Variants in CADM2 observed in about 807,000 individuals in gnomAD.
CADM2 encodes cell adhesion molecule 2.
Under a neutral mutation model 49.8 loss-of-function variants are expected in CADM2, and 12 were observed. That is an observed-to-expected ratio of 0.24 (90% CI 0.15 to 0.39). The LOEUF (loss-of-function observed/expected upper bound fraction) is 0.39, where lower values mean the gene tolerates loss of function less well. CADM2 is among the 10% of genes least tolerant of loss of function. The pLI, the probability that CADM2 is intolerant of heterozygous loss-of-function variation, is 1.00. For missense variants in CADM2, 378 were observed against 492.3 expected, an observed-to-expected ratio of 0.77 and a Z score of 2.20; for synonymous variants, 214 against 175.4, an observed-to-expected ratio of 1.22 and a Z score of -1.74.
At chr3:85,336,622 T>C (rs2045085424) in intron 1 of CADM2, among the ~76,000 whole-genome samples, 1 of 151,040 alleles carries the variant, frequency 6.6e-6, no homozygotes, top group East Asian at 1.9e-4. Context: ...TAGAAATTGT[T>C]ATATTAAGCA....
At chr3:86,008,075 CA>C (rs1228233861) in intron 8 of CADM2, among the ~76,000 whole-genome samples, 1 of 152,118 alleles carries the variant, frequency 6.6e-6, no homozygotes, top group Non-Finnish European at 1.5e-5. Flanking sequence ...TCCAGCTAAC[CA>C]CAGCATTCTC....
chr3:85,315,736 A>G (rs2044449916), intron 1 of CADM2, among the ~76,000 whole-genome samples: 1 of 152,228 alleles, frequency 6.6e-6, no homozygotes. Flanking sequence ...ATGATATAGC[A>G]TTCAGTTTAT....
In CADM2 at chr3:86,065,629, A is replaced by G. The variant is rs1739215984; in HGVS notation, c.995A>G (p.Asn332Ser). The change falls in exon 9 of 10, where the codon AAT becomes AGT. Residue 332 changes from asparagine to serine, a missense_variant. By Grantham distance (46) the Asn-to-Ser change is conservative (BLOSUM62 1). Transcript: ENST00000383699. ...GATCCTAATGCTTTGGCTGGCCAGA[A>G]TGGCCCTGACCATGCTCTCATAGGA... The part of the protein sequence containing the change: ...VHDPNALAGQ[N>S]GPDHALIGGI... 6.2e-7 allele frequency: 1 copy of G among 1,613,406 alleles called. No homozygotes were observed. Among genetic ancestry groups the G allele is most frequent in the African/African-American group, 1.3e-5 (1 of 74,900 alleles).
intron 8 of CADM2, among the ~76,000 whole-genome samples, chr3:86,011,794 G>C (rs1487749093): frequency 2.0e-4 from 30 of 152,034 alleles, no homozygotes. Flanking sequence ...GATTCAGTAA[G>C]GTGGAAACGT....
intron 8 of CADM2, among the ~76,000 whole-genome samples, chr3:86,060,981 C>CAAT (rs144216839): frequency 0.31 from 46,495 of 147,612 alleles, 8,351 homozygotes; most frequent in Admixed American, 0.4. Flanking sequence ...GGCTATGTCT[C>CAAT]AATAATAATA....
At chr3:85,638,165 T>A (rs934553962) in intron 1 of CADM2, among the ~76,000 whole-genome samples, 4 of 152,158 alleles carry the variant, frequency 2.6e-5, no homozygotes, top group Non-Finnish European at 5.9e-5. Flanking sequence ...TCCTGAACAC[T>A]TGAATTAAGT....
chr3:85,359,664 A>ATTTTTTTTTT (rs1434535137), intron 1 of CADM2, among the ~76,000 whole-genome samples: 3 of 30,018 alleles, frequency 1.0e-4, no homozygotes, highest in Non-Finnish European at 2.1e-4. Flanking sequence ...ATATATATAT[A>ATTTTTTTTTT]TATTTTTTTT....
chr3:86,053,685 T>A (rs1456720617), intron 8 of CADM2, among the ~76,000 whole-genome samples: 2 of 152,040 alleles, frequency 1.3e-5, no homozygotes, highest in Non-Finnish European at 2.9e-5. Flanking sequence ...TAATTCAGCT[T>A]GGGTCAGGTT....
chr3:85,378,885 A>G (rs889319239), intron 1 of CADM2, among the ~76,000 whole-genome samples: 1 of 152,034 alleles, frequency 6.6e-6, no homozygotes, highest in Non-Finnish European at 1.5e-5. Context: ...AATAAAGTAA[A>G]ATAAAATAAA....
At chr3:85,980,455 T>A (rs1053597845) in intron 8 of CADM2, among the ~76,000 whole-genome samples, 3 of 151,534 alleles carry the variant, frequency 2.0e-5, no homozygotes, top group Non-Finnish European at 4.4e-5. Context: ...AACTATATTA[T>A]ACAATGTACA....
chr3:85,664,346 A>G (rs2065499207), intron 1 of CADM2, among the ~76,000 whole-genome samples: 1 of 152,002 alleles, frequency 6.6e-6, no homozygotes, highest in African/African-American at 2.4e-5. Context: ...ATCATGTTCA[A>G]AATTCTGTCC....
chr3:85,770,892 G>A (rs550471492), intron 2 of CADM2, among the ~76,000 whole-genome samples: 3 of 152,180 alleles, frequency 2.0e-5, no homozygotes, highest in East Asian at 3.9e-4. Flanking sequence ...TTTTCAAAGG[G>A]CAGATATACA....
At chr3:85,726,857 A>C (rs2067717604) in intron 2 of CADM2, among the ~76,000 whole-genome samples, 1 of 152,082 alleles carries the variant, frequency 6.6e-6, no homozygotes, top group African/African-American at 2.4e-5. Context: ...TTCCTTGATA[A>C]AATTGAGAAT....
intron 1 of CADM2, among the ~76,000 whole-genome samples, chr3:85,402,279 A>T (rs902934015): frequency 6.6e-6 from 1 of 151,966 alleles, no homozygotes; most frequent in African/African-American, 2.4e-5. Flanking sequence ...TAGAAACCAT[A>T]ATAGTATTTT....
chr3:85,027,973 CT>C (rs1559624180), intron 1 of CADM2, among the ~76,000 whole-genome samples: 1 of 151,700 alleles, frequency 6.6e-6, no homozygotes, highest in Non-Finnish European at 1.5e-5. Context: ...AATTTTTTTT[CT>C]TTTTTCCTTT....
At chr3:85,254,933 T>C (rs2042851241) in intron 1 of CADM2, among the ~76,000 whole-genome samples, 1 of 152,114 alleles carries the variant, frequency 6.6e-6, no homozygotes, top group Non-Finnish European at 1.5e-5. Flanking sequence ...TGCTTAATAT[T>C]ATCCCTGCGA....
At chr3:85,275,858 AT>A (rs958959114) in intron 1 of CADM2, among the ~76,000 whole-genome samples, 20 of 150,656 alleles carry the variant, frequency 1.3e-4, no homozygotes, top group Non-Finnish European at 2.1e-4. Flanking sequence ...TACAGCACTC[AT>A]TTTTTTTGAC....
chr3:85,746,391 A>G (rs1368542959), intron 2 of CADM2, among the ~76,000 whole-genome samples: 1 of 152,182 alleles, frequency 6.6e-6, no homozygotes, highest in Non-Finnish European at 1.5e-5. Flanking sequence ...CTCATTGAAA[A>G]CAAAGGCTTT....
intron 8 of CADM2, among the ~76,000 whole-genome samples, chr3:86,000,792 C>G (rs1039764881): frequency 6.6e-6 from 1 of 151,936 alleles, no homozygotes; most frequent in Non-Finnish European, 1.5e-5. Context: ...TGAATTAGAA[C>G]CTGCAGAACT....
Sources: gnomAD v4.1 joint callset for allele counts (sites outside exome capture counted in the v4.1 genomes callset) on GRCh38, gnomAD v4.1.1 for gene constraint, MANE v1.5 for transcripts, NCBI Gene and HGNC (gene_info 2026-07-23, HGNC 2026-07-21) for gene names.